OR52A1: variants seen among roughly 807,000 people sequenced by gnomAD.
OR52A1 encodes olfactory receptor family 52 subfamily A member 1, also known as olfactory receptor 52A1.
In OR52A1, 14 loss-of-function variants were observed where a neutral mutation model predicts 14.3. The ratio of observed to expected loss-of-function variants is 0.98; its 90% CI spans 0.65 to 1.54. OR52A1 has a LOEUF of 1.54. OR52A1 is among the 40% of genes most tolerant of loss of function. The pLI is 0.00. For synonymous variants in OR52A1, 151 were observed against 135.3 expected (o/e 1.12, Z -0.80); for missense variants, 405 against 381.3 (o/e 1.06, Z -0.52).
At chr11:5,152,937 T>C (rs1299398059) in intron 1 of OR52A1, among the ~76,000 whole-genome samples, 1 of 152,230 alleles carries the variant, frequency 6.6e-6, no homozygotes, top group African/African-American at 2.4e-5. Flanking sequence ...TTTCTTTTTA[T>C]ATTCAGAATA....
In OR52A1 at chr11:5,151,577, G is replaced by A. The variant is rs138473302; in HGVS notation, c.793C>T (p.His265Tyr). ...GGGGAGATGTGAGACCCAAACCTAT[G>A]TGTGAAGAAGGAGAAGAAGGCAAGG... ...YLLAFFSFFT[H>Y]RFGSHISPYI... Residue 265 changes from histidine to tyrosine, a missense_variant, in exon 2 of 2, where the codon CAT (histidine) becomes TAT (tyrosine). By Grantham distance (83) the His-to-Tyr change is moderately conservative. Coordinates refer to ENST00000380367, the MANE Select transcript of OR52A1 (RefSeq NM_012375.3). 532 of 1,614,054 alleles carry A rather than the reference G, an allele frequency of 3.3e-4. No homozygotes were observed. In the African/African-American group the frequency reaches 6.0e-3, roughly 18 times the overall value.
intron 1 of OR52A1, among the ~76,000 whole-genome samples, chr11:5,153,616 A>T (rs1846574745): frequency 6.6e-6 from 1 of 152,180 alleles, no homozygotes; most frequent in South Asian, 2.1e-4. Context: ...TCTAAAAATT[A>T]CATATTTTGA....
chr11:5,152,961 G>A (rs1369902602), intron 1 of OR52A1, among the ~76,000 whole-genome samples: 1 of 152,150 alleles, frequency 6.6e-6, no homozygotes, highest in Admixed American at 6.5e-5. Flanking sequence ...TAAAGAGAAT[G>A]CTTTAGAAAT....
chr11:5,151,721 T>C lies in OR52A1; in HGVS notation c.649A>G (p.Ile217Val), dbSNP rs752674580. The C allele has an allele frequency of 1.9e-6, 3 of 1,614,176 alleles. No individual in the cohort carries two copies. In the East Asian group the frequency reaches 6.7e-5, roughly 36 times the overall value. Residue 217 changes from isoleucine (I) to valine (V), a missense_variant, in exon 2 of 2, where the codon ATC (isoleucine) becomes GTC (valine). Physicochemically the swap from Ile to Val is conservative, Grantham distance 29. Transcript: ENST00000380367. ...FTVAGFDLTF[I>V]TLSYIQIFIT... Reference sequence around the variant, plus strand: ...AATATCTGGATGTAGGACAATGTGATGAATGTGAGGTCAAATCCTGCTACA... The same window carrying C: ...AATATCTGGATGTAGGACAATGTGACGAATGTGAGGTCAAATCCTGCTACA...
rs1164745908 is a variant in OR52A1 at position 5,147,697 on chromosome 11, C to T, written c.*3734G>A. 1 of 151,900 alleles carries T rather than the reference C, an allele frequency of 6.6e-6. No individual in the cohort carries two copies. Among genetic ancestry groups the T allele is most frequent in the Non-Finnish European group, 1.5e-5 (1 of 67,982 alleles). The allele number at this position is 151,900 out of a possible 1,614,324, so 9.4% of individuals were successfully genotyped here. A position where few individuals can be genotyped will look rare whatever the true frequency, so the allele number is the denominator to read the frequency against. Reference sequence around the variant, plus strand: ...TGTATATACATATATGTATGCATAACCTATTGGTTTTGTACTGTGAAGAAT... The same window carrying T: ...TGTATATACATATATGTATGCATAATCTATTGGTTTTGTACTGTGAAGAAT... On this transcript the variant is annotated 3_prime_UTR_variant, in exon 2 of 2. Coordinates refer to ENST00000380367, the MANE Select transcript of OR52A1 (RefSeq NM_012375.3).
rs1846544586 is a variant in OR52A1, at chr11:5,151,688, CTG to C, written c.680_681del (p.Thr227SerfsTer10). 6.2e-7 allele frequency: 1 copy of C among 1,614,136 alleles called. No homozygotes were observed. The highest frequency in any genetic ancestry group is 1.6e-4 in the Middle Eastern group (1 of 6,062). ...ITLSYIQIFI[T>X]VFRLPQKEAR... ...GCCTCCTTCTGGGGCAAACGAAAAA[CTG>C]TGATAAATATCTGGATGTAGGACAA... is the stretch of plus-strand genomic sequence containing the variant. On this transcript the variant is annotated frameshift_variant, in exon 2 of 2. Transcript: ENST00000380367. LOFTEE classifies it high-confidence loss of function.
chr11:5,154,253 A>G (rs1197007387), intron 1 of OR52A1, among the ~76,000 whole-genome samples, 194 bp downstream of exon 1: 3 of 152,162 alleles, frequency 2.0e-5, no homozygotes, highest in Non-Finnish European at 4.4e-5. Context: ...GCAGGGTTGC[A>G]GGTGGTGGTG....
intron 1 of OR52A1, among the ~76,000 whole-genome samples, chr11:5,153,469 G>A (rs1268696192): frequency 6.6e-6 from 1 of 152,166 alleles, no homozygotes; most frequent in Non-Finnish European, 1.5e-5. Context: ...CAAACTTGGG[G>A]AGACTAAAAT....
chr11:5,149,876 G>A lies in OR52A1; in HGVS notation c.*1555C>T, dbSNP rs754300088. 8 of 152,072 alleles carry A rather than the reference G, an allele frequency of 5.3e-5. No individual in the cohort carries two copies. Among genetic ancestry groups the A allele is most frequent in the Admixed American group, 1.3e-4 (2 of 15,264 alleles). The allele number at this position is 152,072 out of a possible 1,614,324, so 9.4% of individuals were successfully genotyped here. ...CAGTCTCAAAAGATCCCTTAAGATA[G>A]CCTCTATAATCATTCTCAACAGCCA... On this transcript the variant is annotated 3_prime_UTR_variant, in exon 2 of 2. Transcript: ENST00000380367.
rs779641734 is a variant in OR52A1, at chr11:5,152,123, T to C, written c.247A>G (p.Met83Val). 3.1e-6 allele frequency: 5 copies of C among 1,614,112 alleles called. 1 individual carries two copies. Among genetic ancestry groups the C allele is most frequent in the Admixed American group, 3.3e-5 (2 of 60,018 alleles). Residue 83 changes from methionine to valine, a missense_variant, in exon 2 of 2, where the codon ATG becomes GTG. Physicochemically the swap from Met to Val is conservative, Grantham distance 21. Transcript: ENST00000380367. ...ACATTAAACCAGAATATTCCAAGCA[T>C]CTTTGGCATAATGCTGCTAGCAAGT... ...IALASSIMPK[M>V]LGIFWFNVPE...
chr11:5,153,775 T>G (rs1846576880), intron 1 of OR52A1, among the ~76,000 whole-genome samples: 1 of 151,252 alleles, frequency 6.6e-6, no homozygotes. Flanking sequence ...GTCACCAATA[T>G]GCTGGAAATT....
chr11:5,152,536 T>C lies in OR52A1; in HGVS notation c.-167A>G. 3.4e-6 allele frequency: 2 copies of C among 591,202 alleles called. No individual in the cohort carries two copies. Among genetic ancestry groups the C allele is most frequent in the South Asian group, 2.4e-5 (1 of 41,310 alleles). The allele number at this position is 591,202 out of a possible 1,614,324, so 36.6% of individuals were successfully genotyped here. On this transcript the variant is annotated 5_prime_UTR_variant, in exon 2 of 2. Transcript: ENST00000380367. ...CACAGTTTTGAAAGGAAAAGATGGATTCATGGAGATACATCACTGTTTTCA... is the reference window on the plus strand; with the variant it reads ...CACAGTTTTGAAAGGAAAAGATGGACTCATGGAGATACATCACTGTTTTCA...
intron 1 of OR52A1, among the ~76,000 whole-genome samples, chr11:5,153,561 G>T (rs562342981): frequency 1.3e-5 from 2 of 152,074 alleles, no homozygotes; most frequent in African/African-American, 4.8e-5. Context: ...AAAAACCTGG[G>T]CTCTTATGCT....
Position 5,152,197 on chromosome 11 carries a change from T to G in OR52A1, c.173A>C (p.His58Pro). Residue 58 changes from histidine to proline, a missense_variant, in exon 2 of 2, where the codon CAT becomes CCT. Coordinates refer to ENST00000380367, the MANE Select transcript of OR52A1 (RefSeq NM_012375.3). Reference protein sequence around the residue: ...LSIIKSERSLHEPLYIFLGML... With the variant: ...LSIIKSERSLPEPLYIFLGML... ...GCCTAAGAAAATGTACAAGGGCTCA[T>G]GGAGACTGCGCTCAGATTTGATGAT... 1 of 1,614,160 alleles carries G rather than the reference T, an allele frequency of 6.2e-7. No homozygotes were observed. Among genetic ancestry groups the G allele is most frequent in the South Asian group, 1.1e-5 (1 of 91,084 alleles).
Position 5,148,920 on chromosome 11 carries a change from T to C in OR52A1, c.*2511A>G, listed in dbSNP as rs974520628. 6.6e-6 allele frequency: 1 copy of C among 152,190 alleles called. No homozygotes were observed. Among genetic ancestry groups the C allele is most frequent in the African/African-American group, 2.4e-5 (1 of 41,452 alleles). The allele number at this position is 152,190 out of a possible 1,614,324, so 9.4% of individuals were successfully genotyped here. ...AAAGGTAAATATCGGTAATAACTAG[T>C]GTTGTTAAGAATTTAGGCAAACATT... On this transcript the variant is annotated 3_prime_UTR_variant, in exon 2 of 2. Coordinates refer to ENST00000380367, the MANE Select transcript of OR52A1 (RefSeq NM_012375.3).
rs1213450254 is a variant in OR52A1 at position 5,150,227 on chromosome 11, C to T, written c.*1204G>A. On this transcript the variant is annotated 3_prime_UTR_variant, in exon 2 of 2. Coordinates refer to ENST00000380367, the MANE Select transcript of OR52A1 (RefSeq NM_012375.3). ...ATGCCCAAGCAGACACACACACACACACACACACACACACACACACACGTC... is the reference window on the plus strand; with the variant it reads ...ATGCCCAAGCAGACACACACACACATACACACACACACACACACACACGTC... 2 of 151,160 alleles carry T rather than the reference C, an allele frequency of 1.3e-5. No homozygotes were observed. The highest frequency in any genetic ancestry group is 4.9e-5 in the African/African-American group (2 of 40,552). 9.4% of individuals were successfully genotyped at this position (151,160 alleles called of 1,614,324 possible).
chr11:5,149,170 A>G lies in OR52A1; in HGVS notation c.*2261T>C, dbSNP rs1217702248. The G allele has an allele frequency of 6.6e-6, 1 of 152,002 alleles. No individual in the cohort carries two copies. Among genetic ancestry groups the G allele is most frequent in the Non-Finnish European group, 1.5e-5 (1 of 67,986 alleles). 9.4% of individuals were successfully genotyped at this position (152,002 alleles called of 1,614,324 possible). On this transcript the variant is annotated 3_prime_UTR_variant, in exon 2 of 2. Transcript: ENST00000380367. ...GACCTATTTGTTTCTTCTGTTTTCTATTAGTAAGTCTCAGCTTGGGACTGA... is the reference window on the plus strand; with the variant it reads ...GACCTATTTGTTTCTTCTGTTTTCTGTTAGTAAGTCTCAGCTTGGGACTGA...
chr11:5,148,592 A>G lies in OR52A1; in HGVS notation c.*2839T>C, dbSNP rs1257625490. 6.6e-6 allele frequency: 1 copy of G among 151,854 alleles called. No homozygotes were observed. The allele number at this position is 151,854 out of a possible 1,614,324, so 9.4% of individuals were successfully genotyped here. On this transcript the variant is annotated 3_prime_UTR_variant, in exon 2 of 2. Coordinates refer to ENST00000380367, the MANE Select transcript of OR52A1 (RefSeq NM_012375.3). ...TAGGTCAAAGGTCTCCAATGTTAAG[A>G]CTTTTTACTTTTTCTTTTCTTCTTT...
rs1018922245 is a variant in OR52A1, at chr11:5,154,587, C to A, written c.-462G>T. On this transcript the variant is annotated 5_prime_UTR_variant, in exon 1 of 2. Coordinates refer to ENST00000380367, the MANE Select transcript of OR52A1 (RefSeq NM_012375.3). ...CTCTGTTTGGTGCCAGGATATGTGC[C>A]AATATAATATACTGTGGACATTTTG... The A allele has an allele frequency of 6.6e-6, 1 of 152,118 alleles. No individual in the cohort carries two copies. The highest frequency in any genetic ancestry group is 1.5e-5 in the Non-Finnish European group (1 of 68,012). 9.4% of individuals were successfully genotyped at this position (152,118 alleles called of 1,614,324 possible).
Sources: gnomAD v4.1 joint callset for allele counts (sites outside exome capture counted in the v4.1 genomes callset) on GRCh38, gnomAD v4.1.1 for gene constraint, MANE v1.5 for transcripts, NCBI Gene and HGNC (gene_info 2026-07-23, HGNC 2026-07-21) for gene names.